Variants in NXPE3 observed in about 807,000 individuals in gnomAD.
The protein encoded by NXPE3 is NXPE family member 3.
Under a neutral mutation model 46.1 loss-of-function variants are expected in NXPE3, and 26 were observed. The ratio of observed to expected loss-of-function variants is 0.56; its 90% confidence interval spans 0.41 to 0.78. The LOEUF is 0.78. NXPE3 is among the 30% of genes least tolerant of loss of function. The pLI, the probability that NXPE3 is intolerant of heterozygous loss-of-function variation, is 0.00. For synonymous variants in NXPE3, 272 were observed against 257.9 expected (o/e 1.05, Z -0.52); for missense variants, 620 against 686.0 (o/e 0.90, Z 1.07).
chr3:101,792,999 C>A (rs1384238028), intron 4 of NXPE3, among the ~76,000 whole-genome samples: 2 of 152,128 alleles, frequency 1.3e-5, no homozygotes, highest in Non-Finnish European at 2.9e-5. Flanking sequence ...TAGCTGTATT[C>A]ATGAGTATTT....
intron 6 of NXPE3, among the ~76,000 whole-genome samples, chr3:101,808,854 T>C (rs9856285): frequency 0.022 from 2,209 of 100,154 alleles, 184 homozygotes; most frequent in Middle Eastern, 0.1. Flanking sequence ...TATATATATA[T>C]ATGAGACATT....
chr3:101,823,742 G>T lies in NXPE3; in HGVS notation c.*1788G>T, dbSNP rs977280543. Reference sequence around the variant, plus strand: ...ATTGCGCCACTACACTCCCACTTGGGCAACAGACAAGAGATCTTATCTCTA... The same window carrying T: ...ATTGCGCCACTACACTCCCACTTGGTCAACAGACAAGAGATCTTATCTCTA... On this transcript the variant is annotated 3_prime_UTR_variant, in exon 8 of 8. Coordinates refer to ENST00000273347, the MANE Select transcript of NXPE3 (RefSeq NM_145037.4). 2.0e-5 allele frequency: 3 copies of T among 151,988 alleles called. No homozygotes were observed. Among genetic ancestry groups the T allele is most frequent in the Non-Finnish European group, 4.4e-5 (3 of 68,008 alleles). 9.4% of individuals were successfully genotyped at this position (151,988 alleles called of 1,614,324 possible).
Position 101,816,923 on chromosome 3 carries a change from T to G in NXPE3, c.1051T>G (p.Leu351Val). ...TGACCCTGACAACATTACAGAGTGCTTACAAAGAAAAGTGGTGCATTTATT... is the reference window on the plus strand; with the variant it reads ...TGACCCTGACAACATTACAGAGTGCGTACAAAGAAAAGTGGTGCATTTATT... ...FNDPDNITEC[L>V]QRKVVHLFGD... The change falls in exon 7 of 8, where the codon TTA becomes GTA. Residue 351 changes from leucine to valine, a missense_variant. Leu to Val is a conservative substitution (Grantham distance 32). This residue lies in a region of NXPE3 where 511 missense variants were observed against 528.6 expected (regional missense o/e 0.97). Transcript: ENST00000273347. 6.2e-7 allele frequency: 1 copy of G among 1,614,150 alleles called. No homozygotes were observed. The highest frequency in any genetic ancestry group is 1.1e-5 in the South Asian group (1 of 91,080).
Position 101,785,567 on chromosome 3 carries a change from G to A in NXPE3, c.-30G>A, listed in dbSNP as rs767007013. On this transcript the variant is annotated 5_prime_UTR_variant, in exon 4 of 8. Coordinates refer to ENST00000273347, the MANE Select transcript of NXPE3 (RefSeq NM_145037.4). The stretch of plus-strand genomic sequence containing the variant: ...TAAAGAGTGAAGGTAGCATGGTGTC[G>A]GCCATGGGTGAACAAGACACAGCCA... 5.7e-6 allele frequency: 9 copies of A among 1,583,984 alleles called. No homozygotes were observed. Among genetic ancestry groups the A allele is most frequent in the East Asian group, 2.2e-5 (1 of 44,748 alleles).
chr3:101,794,218 T>C (rs1940688575), intron 4 of NXPE3, among the ~76,000 whole-genome samples: 1 of 152,048 alleles, frequency 6.6e-6, no homozygotes, highest in Admixed American at 6.6e-5. Flanking sequence ...GGAAAGAGAT[T>C]ATAGAGAAGC....
At chr3:101,787,228 C>A (rs532334286) in intron 4 of NXPE3, among the ~76,000 whole-genome samples, 2 of 152,158 alleles carry the variant, frequency 1.3e-5, no homozygotes, top group East Asian at 3.9e-4. Flanking sequence ...ATTCACTCTT[C>A]TACTTTGTGT....
At chr3:101,784,618 G>T (rs1332408956) in intron 3 of NXPE3, among the ~76,000 whole-genome samples, 1 of 152,134 alleles carries the variant, frequency 6.6e-6, no homozygotes, top group African/African-American at 2.4e-5. Context: ...AGAATACTAG[G>T]ACATTTTCTG....
rs564556403 is a variant in NXPE3, at chr3:101,790,683, C to T, written c.93+4994C>T. Among the ~76,000 whole-genome samples, 7 of 152,252 alleles carry T rather than the reference C, an allele frequency of 4.6e-5. No individual in the cohort carries two copies. The South Asian group carries it at 6.2e-4, about 14-fold the overall frequency. On this transcript the variant is annotated intron_variant, in intron 4 of 7. Coordinates refer to ENST00000273347, the MANE Select transcript of NXPE3 (RefSeq NM_145037.4). ...CCATGGCTCACCACAACCTCTGTCT[C>T]GCGGGCTCAAGTGATCCTCTCCTCT... is the stretch of plus-strand genomic sequence containing the variant.
chr3:101,807,764 A>G (rs1576764626), intron 6 of NXPE3, among the ~76,000 whole-genome samples: 1 of 152,180 alleles, frequency 6.6e-6, no homozygotes, highest in Non-Finnish European at 1.5e-5. Flanking sequence ...TTAAGATTAA[A>G]TAAAATTCAA....
rs140522870 is a variant in NXPE3 at position 101,784,962 on chromosome 3, G to T, written c.-195-440G>T. Among the ~76,000 whole-genome samples, 15 of 152,276 alleles carry T rather than the reference G, an allele frequency of 9.9e-5. No individual in the cohort carries two copies. In the East Asian group the frequency reaches 2.7e-3, roughly 27 times the overall value. On this transcript the variant is annotated intron_variant, in intron 3 of 7. Coordinates refer to ENST00000273347, the MANE Select transcript of NXPE3 (RefSeq NM_145037.4). The stretch of plus-strand genomic sequence containing the variant: ...TTGCCAGAGAATGTCAGGATGCTTT[G>T]CACAGTATCCCAGAGCTCTTCATGA...
intron 6 of NXPE3, among the ~76,000 whole-genome samples, chr3:101,814,220 G>A (rs1000394977): frequency 5.9e-5 from 9 of 152,168 alleles, no homozygotes; most frequent in Admixed American, 2.6e-4. Context: ...CCTAGGTGTC[G>A]TCTCTGGAGC....
chr3:101,807,384 A>G (rs539914151), intron 6 of NXPE3, among the ~76,000 whole-genome samples: 5 of 152,144 alleles, frequency 3.3e-5, no homozygotes, highest in African/African-American at 9.6e-5. Context: ...CAGTGGCGCA[A>G]TCTTTACTCA....
At chr3:101,782,961 T>C (rs1426089159) in intron 3 of NXPE3, among the ~76,000 whole-genome samples, 181 bp downstream of exon 3, 1 of 152,192 alleles carries the variant, frequency 6.6e-6, no homozygotes, top group Admixed American at 6.5e-5. Flanking sequence ...CTTTATTCTT[T>C]GTATTTGTGA....
intron 1 of NXPE3, 102 bp downstream of exon 1, chr3:101,779,426 C>T (rs1396406203): frequency 6.6e-6 from 1 of 152,582 alleles, no homozygotes; most frequent in East Asian, 1.9e-4. Flanking sequence ...ACTGCGAAGC[C>T]CCTCCCTCCG....
At chr3:101,783,207 A>G (rs1191308116) in intron 3 of NXPE3, among the ~76,000 whole-genome samples, 3 of 151,914 alleles carry the variant, frequency 2.0e-5, no homozygotes, top group Non-Finnish European at 4.4e-5. Context: ...GACTACAGGC[A>G]CCCGCCACCA....
intron 6 of NXPE3, among the ~76,000 whole-genome samples, chr3:101,807,717 G>T (rs1941486986): frequency 6.6e-6 from 1 of 151,752 alleles, no homozygotes; most frequent in African/African-American, 2.4e-5. Flanking sequence ...CAATATGATA[G>T]CAACTAGTCA....
rs575719666 is a variant in NXPE3, at chr3:101,798,851, C to T, written c.94-2384C>T. ...CTAGTCTCGAACTCTTGAGCTCAAA[C>T]GATCCCGATCTGTCCACCTCTGCCT... On this transcript the variant is annotated intron_variant, in intron 4 of 7. Coordinates refer to ENST00000273347, the MANE Select transcript of NXPE3 (RefSeq NM_145037.4). Among the ~76,000 whole-genome samples, 8 of 152,150 alleles carry T rather than the reference C, an allele frequency of 5.3e-5. No homozygotes were observed. The South Asian group carries it at 6.2e-4, about 12-fold the overall frequency.
At chr3:101,783,489 A>G (rs1939955358) in intron 3 of NXPE3, among the ~76,000 whole-genome samples, 1 of 152,158 alleles carries the variant, frequency 6.6e-6, no homozygotes, top group African/African-American at 2.4e-5. Context: ...TCCTGGCACA[A>G]TCCTCCTAAA....
At position 101,824,168 on chromosome 3, in the gene NXPE3, G is replaced by A. The variant is rs1942388891; in HGVS notation, c.*2214G>A. The stretch of plus-strand genomic sequence containing the variant: ...GGGATTTATGAAACCAACCTTTGTG[G>A]CGAGTGCTCAGTGATTCTGATGCAA... On this transcript the variant is annotated 3_prime_UTR_variant, in exon 8 of 8. Transcript: ENST00000273347. 1 of 151,854 alleles carries A rather than the reference G, an allele frequency of 6.6e-6. No individual in the cohort carries two copies. Among genetic ancestry groups the A allele is most frequent in the African/African-American group, 2.4e-5 (1 of 41,152 alleles). 9.4% of individuals were successfully genotyped at this position (151,854 alleles called of 1,614,324 possible). A position where few individuals can be genotyped will look rare whatever the true frequency, so the allele number is the denominator to read the frequency against.
Sources: allele counts gnomAD v4.1 joint callset (sites outside exome capture counted in the v4.1 genomes callset), GRCh38; gene constraint gnomAD v4.1.1; regional missense constraint gnomAD v4.1.1; transcripts MANE v1.5; gene names NCBI Gene and HGNC (gene_info 2026-07-23, HGNC 2026-07-21).